Variants in LONP2 observed in about 807,000 individuals in gnomAD.
LONP2 encodes lon peptidase 2, peroxisomal.
LONP2 carries 60 observed loss-of-function variants against 85.6 expected under a neutral mutation model. The ratio of observed to expected loss-of-function variants is 0.70; its 90% confidence interval spans 0.57 to 0.87. The LOEUF (loss-of-function observed/expected upper bound fraction) is 0.87, where lower values mean the gene tolerates loss of function less well. Ranked by LOEUF, LONP2 falls within the 40% of genes least tolerant of loss-of-function variation. The probability of loss-of-function intolerance (pLI) is 0.00; values close to 1 mark genes in which losing one functional copy is unlikely to be tolerated. For synonymous variants in LONP2, 395 were observed against 389.7 expected, an observed-to-expected ratio of 1.01 and a Z score of -0.16; for missense variants, 860 against 1,063.5, an observed-to-expected ratio of 0.81 and a Z score of 2.66.
In LONP2 at chr16:48,352,878, C is replaced by CGTCTCCTATTTCTT. The variant is rs1960194425; in HGVS notation, c.*1078_*1091dup. The CGTCTCCTATTTCTT allele has an allele frequency of 6.6e-6, 1 of 152,212 alleles. No individual in the cohort carries two copies. Among genetic ancestry groups the CGTCTCCTATTTCTT allele is most frequent in the South Asian group, 2.1e-4 (1 of 4,832 alleles). 9.4% of individuals were successfully genotyped at this position (152,212 alleles called of 1,614,324 possible). On this transcript the variant is annotated 3_prime_UTR_variant, in exon 15 of 15. Coordinates refer to ENST00000285737, the MANE Select transcript of LONP2 (RefSeq NM_031490.5). ...AGCATGGAATCCTAACTCCTGATTCCGTCTCCTATTTCTTGCTTGGCTACG... is the reference window on the plus strand; with the variant it reads ...AGCATGGAATCCTAACTCCTGATTCCGTCTCCTATTTCTTGTCTCCTATTTCTTGCTTGGCTACG...
chr16:48,333,034 A>C (rs1172925879), intron 11 of LONP2, among the ~76,000 whole-genome samples: 1 of 152,248 alleles, frequency 6.6e-6, no homozygotes, highest in Non-Finnish European at 1.5e-5. Flanking sequence ...ATTTTAAAAC[A>C]AAACACTTCA....
intron 8 of LONP2, among the ~76,000 whole-genome samples, chr16:48,277,886 T>G (rs1391717855): frequency 6.6e-6 from 1 of 151,438 alleles, no homozygotes; most frequent in Non-Finnish European, 1.5e-5. Flanking sequence ...TATCTTGCAC[T>G]TCCTGATTTT....
intron 6 of LONP2, among the ~76,000 whole-genome samples, chr16:48,269,384 T>C (rs1972056130): frequency 6.6e-6 from 1 of 152,170 alleles, no homozygotes; most frequent in Non-Finnish European, 1.5e-5. Flanking sequence ...ATATAGATAA[T>C]TTAGTAATGG....
chr16:48,331,705 C>T (rs1265208429), intron 11 of LONP2, among the ~76,000 whole-genome samples: 1 of 152,020 alleles, frequency 6.6e-6, no homozygotes, highest in Non-Finnish European at 1.5e-5. Context: ...GCTGGGACTA[C>T]AGGCACCCAC....
chr16:48,282,845 A>C (rs934725171), intron 8 of LONP2, among the ~76,000 whole-genome samples: 4 of 152,210 alleles, frequency 2.6e-5, no homozygotes, highest in African/African-American at 9.6e-5. Flanking sequence ...GAAAGCTAAA[A>C]ATAATTAAGC....
chr16:48,332,027 A>T (rs1216519975), intron 11 of LONP2, among the ~76,000 whole-genome samples: 1 of 152,180 alleles, frequency 6.6e-6, no homozygotes. Context: ...CCTGAAGAGG[A>T]GCCCACTAGA....
chr16:48,269,232 G>A (rs1404515774), intron 6 of LONP2, among the ~76,000 whole-genome samples: 1 of 143,136 alleles, frequency 7.0e-6, no homozygotes, highest in African/African-American at 2.6e-5. Context: ...CAGCACTTCT[G>A]TTCATAGAAG....
At chr16:48,307,490 A>G (rs1252263524) in intron 11 of LONP2, among the ~76,000 whole-genome samples, 2 of 152,264 alleles carry the variant, frequency 1.3e-5, no homozygotes, top group African/African-American at 4.8e-5. Context: ...TTCAATTTAT[A>G]TCTAGCAAGA....
intron 12 of LONP2, among the ~76,000 whole-genome samples, chr16:48,335,248 G>C (rs1427969389): frequency 6.6e-6 from 1 of 152,220 alleles, no homozygotes; most frequent in East Asian, 1.9e-4. Context: ...ATACAGGTCT[G>C]AAAACATGAG....
chr16:48,316,276 A>C (rs998293592), intron 11 of LONP2, among the ~76,000 whole-genome samples: 1 of 148,208 alleles, frequency 6.7e-6, no homozygotes, highest in Non-Finnish European at 1.5e-5. Flanking sequence ...CAAAGTGCAA[A>C]GTGCTGGGAT....
Position 48,296,111 on chromosome 16 carries a change from ACTG to A in LONP2, c.1483_1485del (p.Ala495del). 6.2e-7 allele frequency: 1 copy of A among 1,614,158 alleles called. No homozygotes were observed. ...TCTTTTTATAGCTACTGCCAACACCACTGCTACCATTCCAGCTGCCTTGTTGGA... is the reference window on the plus strand; with the variant it reads ...TCTTTTTATAGCTACTGCCAACACCACTACCATTCCAGCTGCCTTGTTGGA... On this transcript the variant is annotated inframe_deletion, in exon 9 of 15. Transcript: ENST00000285737.
chr16:48,350,928 C>T (rs1304104353), intron 14 of LONP2, among the ~76,000 whole-genome samples: 3 of 152,170 alleles, frequency 2.0e-5, no homozygotes, highest in South Asian at 4.1e-4. Flanking sequence ...TGACTGGCCA[C>T]CTCCAGGGCA....
chr16:48,283,775 G>T (rs1972379431), intron 8 of LONP2, among the ~76,000 whole-genome samples: 1 of 152,066 alleles, frequency 6.6e-6, no homozygotes, highest in African/African-American at 2.4e-5. Context: ...ATGGATCAAG[G>T]AGTTATTTTA....
chr16:48,362,144 A>C, downstream of LONP2: 4 of 1,614,174 alleles, frequency 2.5e-6, no homozygotes, highest in Non-Finnish European at 3.4e-6. This position sits in a 1 kb window ranked among gnomAD's most constrained non-coding sequence, Gnocchi z 4.2. Flanking sequence ...TACAGGGGAA[A>C]AGTACTGAAT....
At chr16:48,314,307 A>G (rs887401778) in intron 11 of LONP2, among the ~76,000 whole-genome samples, 3 of 152,068 alleles carry the variant, frequency 2.0e-5, no homozygotes, top group African/African-American at 7.2e-5. Context: ...CTTTAGTTTA[A>G]TTAGATCCCA....
rs148877871 is a variant in LONP2 at position 48,348,190 on chromosome 16, T to C, written c.2237T>C (p.Val746Ala). 3.5e-5 allele frequency: 57 copies of C among 1,613,496 alleles called. No individual in the cohort carries two copies. The African/African-American group carries it at 7.1e-4, about 20-fold the overall frequency. The change falls in exon 14 of 15, where the codon GTT becomes GCT. Residue 746 changes from valine to alanine, a missense_variant. Physicochemically the swap from Val to Ala is moderately conservative, Grantham distance 64. Coordinates refer to ENST00000285737, the MANE Select transcript of LONP2 (RefSeq NM_031490.5). ...AVTKDGPSAGVTIVTCLASLF... is the reference protein window; with the variant it reads ...AVTKDGPSAGATIVTCLASLF... The stretch of plus-strand genomic sequence containing the variant: ...ACAAAAGATGGACCATCTGCTGGAG[T>C]TACCATAGTAACCTGTCTCGCCTCA...
intron 3 of LONP2, among the ~76,000 whole-genome samples, chr16:48,258,216 G>A (rs955179739): frequency 1.3e-5 from 2 of 151,938 alleles, no homozygotes; most frequent in Non-Finnish European, 2.9e-5. Context: ...GCATGGTGTC[G>A]GGTGCCTGTA....
chr16:48,244,339 G>C lies in LONP2; in HGVS notation c.-50G>C. ...GTGACTGCGGGGCAGGCCGGGGGCA[G>C]CTGTCTGTCTGGCTCTTTTTGACAG... On this transcript the variant is annotated 5_prime_UTR_variant, in exon 1 of 15. Transcript: ENST00000285737. 1.8e-5 allele frequency: 24 copies of C among 1,363,964 alleles called. No homozygotes were observed. The highest frequency in any genetic ancestry group is 2.3e-5 in the Non-Finnish European group (24 of 1,024,816). The allele number at this position is 1,363,964 out of a possible 1,614,324, so 84.5% of individuals were successfully genotyped here.
intron 8 of LONP2, among the ~76,000 whole-genome samples, chr16:48,292,646 T>C (rs1401572715): frequency 2.6e-5 from 4 of 152,228 alleles, no homozygotes; most frequent in African/African-American, 7.2e-5. Context: ...CACACTATTC[T>C]TAACACCAAT....
Sources: allele counts gnomAD v4.1 joint callset (sites outside exome capture counted in the v4.1 genomes callset), GRCh38; gene constraint gnomAD v4.1.1; non-coding constraint Gnocchi (gnomAD v3.1); transcripts MANE v1.5; gene names NCBI Gene and HGNC (gene_info 2026-07-23, HGNC 2026-07-21).